Variants in NEK8 observed in about 807,000 individuals in gnomAD.
NEK8 encodes serine/threonine-protein kinase Nek8.
Under a neutral mutation model 77.2 loss-of-function variants are expected in NEK8, and 51 were observed. That is an observed-to-expected ratio of 0.66 (90% CI 0.53 to 0.83). The LOEUF (loss-of-function observed/expected upper bound fraction) is 0.83, where lower values mean the gene tolerates loss of function less well. Among genes scored for constraint, NEK8 ranks in the 40% least tolerant of loss-of-function variants. The pLI is 0.00. For missense variants in NEK8, 787 were observed against 909.2 expected, an observed-to-expected ratio of 0.87 and a Z score of 1.73; for synonymous variants, 365 against 363.2, an observed-to-expected ratio of 1.00 and a Z score of -0.06.
At position 28,737,268 on chromosome 17, in the gene NEK8, C is replaced by T. The variant is rs151111321; in HGVS notation, c.619-38C>T. On this transcript the variant is annotated intron_variant, in intron 4 of 14. Transcript: ENST00000268766. This position sits in a 1 kb window ranked among gnomAD's most constrained non-coding sequence, Gnocchi z 4.8. The stretch of plus-strand genomic sequence containing the variant: ...AGGGGCTGGAGCTGGGGGGTGCTGC[C>T]CTCACTTCCCCAAATTCTCAACCTG... 0.013 allele frequency: 20,009 copies of T among 1,573,092 alleles called. 167 individuals are homozygous for T. Among genetic ancestry groups the T allele is most frequent in the Non-Finnish European group, 0.015 (17,820 of 1,158,850 alleles).
At position 28,740,507 on chromosome 17, in the gene NEK8, C is replaced by T; in HGVS notation, c.1462C>T (p.Gln488Ter). The change falls in exon 11 of 15, where the codon CAG (glutamine) becomes TAG (stop). Residue 488 changes from glutamine (Q) to a stop codon, truncating the protein, a stop_gained. Transcript: ENST00000268766. LOFTEE classifies it high-confidence loss of function. This position sits in a 1 kb window ranked among gnomAD's most constrained non-coding sequence, Gnocchi z 4.7. ...CAGGGAGTCCCACAGCTGCCCCCAG[C>T]AGGTGCCCATGCCCCCAGGACAGGA... ...GTRESHSCPQ[Q>*]VPMPPGQEAQ... 6.2e-7 allele frequency: 1 copy of T among 1,614,102 alleles called. No individual in the cohort carries two copies. Among genetic ancestry groups the T allele is most frequent in the South Asian group, 1.1e-5 (1 of 91,084 alleles).
In NEK8 at chr17:28,740,540, C is replaced by T. The variant is rs565763400; in HGVS notation, c.1495C>T (p.Arg499Ter). The T allele has an allele frequency of 4.2e-5, 68 of 1,614,112 alleles. No individual in the cohort carries two copies. Among genetic ancestry groups the T allele is most frequent in the Non-Finnish European group, 5.3e-5 (62 of 1,179,976 alleles). Residue 499 changes from arginine to a stop codon, truncating the protein, a stop_gained, in exon 11 of 15, where the codon CGA becomes TGA. Transcript: ENST00000268766. LOFTEE classifies it high-confidence loss of function. The surrounding 1 kb of genome is among the most constrained non-coding windows in gnomAD (Gnocchi z 4.7). ...VPMPPGQEAQRVVCGIDSSMI... is the reference protein window; with the variant it reads ...VPMPPGQEAQ ...CATGCCCCCAGGACAGGAAGCTCAG[C>T]GAGTTGTATGTGGTATCGATTCCTC...
chr17:28,734,400 T>A (rs1035610338), intron 2 of NEK8: 7 of 606,532 alleles, frequency 1.2e-5, no homozygotes, highest in Non-Finnish European at 2.0e-5. Flanking sequence ...CTGGGCACGG[T>A]GGCTCATGCC....
intron 4 of NEK8, 75 bp downstream of exon 4, chr17:28,735,446 T>A: frequency 6.6e-7 from 1 of 1,521,974 alleles, no homozygotes; most frequent in Non-Finnish European, 8.9e-7. Flanking sequence ...TCAAGCCACC[T>A]CAGGTTTCTC....
In NEK8 at chr17:28,732,527, G is replaced by C. The variant is rs866344218; in HGVS notation, c.48-1456G>C. 2.6e-4 allele frequency among the ~76,000 whole-genome samples: 39 copies of C among 148,660 alleles called. 1 individual carries two copies. Among genetic ancestry groups the C allele is most frequent in the African/African-American group, 9.4e-4 (38 of 40,396 alleles). ...TGAAATGGAGGAAAGATTCTAGGGCGATTTTCTTTTTTCTTTTCTTTTTTT... is the reference window on the plus strand; with the variant it reads ...TGAAATGGAGGAAAGATTCTAGGGCCATTTTCTTTTTTCTTTTCTTTTTTT... On this transcript the variant is annotated intron_variant, in intron 1 of 14. Transcript: ENST00000268766.
chr17:28,738,275 T>C lies in NEK8; in HGVS notation c.1222+30T>C, dbSNP rs1438021537. The stretch of plus-strand genomic sequence containing the variant: ...GTTGTCGGGCCTACCTTGTGGGACC[T>C]GCTCTGAGGCCCCACAGAGCACCTT... On this transcript the variant is annotated intron_variant, in intron 8 of 14. Coordinates refer to ENST00000268766, the MANE Select transcript of NEK8 (RefSeq NM_178170.3). The C allele has an allele frequency of 6.8e-6, 11 of 1,613,772 alleles. No homozygotes were observed. In the South Asian group the frequency reaches 1.1e-4, roughly 16 times the overall value.
At position 28,731,908 on chromosome 17, in the gene NEK8, ATTTTTTTTTTTTTTTTTTTTTTTTTT is replaced by A. The variant is rs71135844; in HGVS notation, c.48-2060_48-2035del. ...GCGTGAGCCACCGCGCCTGGCCCCA[ATTTTTTTTTTTTTTTTTTTTTTTTTT>A]TTTTTTTTTTTTTTGAGACGGAGTC... On this transcript the variant is annotated intron_variant, in intron 1 of 14. Coordinates refer to ENST00000268766, the MANE Select transcript of NEK8 (RefSeq NM_178170.3). 1.2e-3 allele frequency among the ~76,000 whole-genome samples: 65 copies of A among 52,532 alleles called. 1 individual carries two copies. The highest frequency in any genetic ancestry group is 4.6e-3 in the African/African-American group (58 of 12,682). 34.5% of individuals were successfully genotyped at this position (52,532 alleles called of 152,430 possible). A position where few individuals can be genotyped will look rare whatever the true frequency, so the allele number is the denominator to read the frequency against.
At chr17:28,732,485 A>C (rs1408235335) in intron 1 of NEK8, among the ~76,000 whole-genome samples, 1 of 151,662 alleles carries the variant, frequency 6.6e-6, no homozygotes, top group African/African-American at 2.4e-5. Flanking sequence ...CAGAGGTAGA[A>C]ATAGGATTTG....
At chr17:28,734,519 CAAAA>C (rs765512767) in intron 2 of NEK8, 3 of 485,322 alleles carry the variant, frequency 6.2e-6, no homozygotes, top group East Asian at 3.7e-5. Flanking sequence ...ACTAAAAATA[CAAAA>C]AAAAAAAAAA....
Position 28,740,364 on chromosome 17 carries a change from A to G in NEK8, c.1418-99A>G. ...GAAAGGCATTTGGGACTGAGAGAAC[A>G]GAGAACTCATGCTGTTCCCTCCCCT... On this transcript the variant is annotated intron_variant, in intron 10 of 14. Coordinates refer to ENST00000268766, the MANE Select transcript of NEK8 (RefSeq NM_178170.3). This position sits in a 1 kb window ranked among gnomAD's most constrained non-coding sequence, Gnocchi z 4.7. 2.0e-6 allele frequency: 2 copies of G among 992,340 alleles called. No homozygotes were observed. Among genetic ancestry groups the G allele is most frequent in the South Asian group, 2.6e-5 (2 of 77,752 alleles). 61.5% of individuals were successfully genotyped at this position (992,340 alleles called of 1,614,324 possible).
intron 8 of NEK8, 46 bp from the exon 9 acceptor site, chr17:28,738,625 T>A (rs1379247665): frequency 1.9e-6 from 3 of 1,548,220 alleles, no homozygotes; most frequent in Non-Finnish European, 2.7e-6. Context: ...CTGGAAAGAC[T>A]GTTTAACTTC....
Position 28,737,713 on chromosome 17 carries a change from G to A in NEK8, c.866G>A (p.Arg289Lys). ...GTGGCCCCCAGCAACACAGGGAGCA[G>A]GACCACCAGTGTCCGCTGCAGAGGT... is the stretch of plus-strand genomic sequence containing the variant. Reference protein sequence around the residue: ...KSVAPSNTGSRTTSVRCRGIP... With the variant: ...KSVAPSNTGSKTTSVRCRGIP... The change falls in exon 6 of 15, where the codon AGG becomes AAG. Residue 289 changes from arginine (R) to lysine (K), a missense_variant. By Grantham distance (26) the Arg-to-Lys change is conservative. Coordinates refer to ENST00000268766, the MANE Select transcript of NEK8 (RefSeq NM_178170.3). The surrounding 1 kb of genome is among the most constrained non-coding windows in gnomAD (Gnocchi z 4.8). 6.2e-7 allele frequency: 1 copy of A among 1,614,160 alleles called. No homozygotes were observed. Among genetic ancestry groups the A allele is most frequent in the Non-Finnish European group, 8.5e-7 (1 of 1,180,030 alleles).
chr17:28,737,941 G>A lies in NEK8; in HGVS notation c.1012G>A (p.Ala338Thr). 6.2e-7 allele frequency: 1 copy of A among 1,612,930 alleles called. No individual in the cohort carries two copies. Among genetic ancestry groups the A allele is most frequent in the Non-Finnish European group, 8.5e-7 (1 of 1,179,346 alleles). ...PMLNTEVVQV[A>T]AGRTQKAGVT... ...GCTCAACACAGAGGTGGTCCAGGTG[G>A]CAGCTGGGCGCACGCAGAAAGCCGG... Residue 338 changes from alanine (A) to threonine (T), a missense_variant, in exon 7 of 15, where the codon GCA (alanine) becomes ACA (threonine). Physicochemically the swap from Ala to Thr is moderately conservative, Grantham distance 58 (BLOSUM62 0). Transcript: ENST00000268766. This position sits in a 1 kb window ranked among gnomAD's most constrained non-coding sequence, Gnocchi z 4.8.
chr17:28,734,310 A>G, intron 2 of NEK8, 122 bp downstream of exon 2: 1 of 882,402 alleles, frequency 1.1e-6, no homozygotes, highest in East Asian at 2.5e-5. Context: ...TTCTGGTCCC[A>G]ATTATCTGAC....
At chr17:28,729,795 GC>G (rs2034289487) in intron 1 of NEK8, among the ~76,000 whole-genome samples, 3 of 152,052 alleles carry the variant, frequency 2.0e-5, no homozygotes, top group Non-Finnish European at 1.5e-5. Context: ...ATCCGCCCGC[GC>G]CGGCCTCCCT....
Position 28,742,624 on chromosome 17 carries a change from C to G in NEK8, c.*637C>G, listed in dbSNP as rs114191927. 9.1e-3 allele frequency: 1,438 copies of G among 158,446 alleles called. 27 individuals are homozygous for G. Among genetic ancestry groups the G allele is most frequent in the African/African-American group, 0.033 (1,354 of 41,474 alleles). 9.8% of individuals were successfully genotyped at this position (158,446 alleles called of 1,614,324 possible). On this transcript the variant is annotated 3_prime_UTR_variant, in exon 15 of 15. Coordinates refer to ENST00000268766, the MANE Select transcript of NEK8 (RefSeq NM_178170.3). ...CACAGACCCTACCCTTTCCCCTAGCCCAGTTAGAAAATAAGTCTGGGCCGG... is the reference window on the plus strand; with the variant it reads ...CACAGACCCTACCCTTTCCCCTAGCGCAGTTAGAAAATAAGTCTGGGCCGG...
chr17:28,731,764 C>T (rs958739273), intron 1 of NEK8, among the ~76,000 whole-genome samples: 2 of 149,152 alleles, frequency 1.3e-5, no homozygotes, highest in Non-Finnish European at 3.0e-5. Context: ...CCACCACTCC[C>T]GGCTAATTTT....
chr17:28,733,827 C>T (rs149504209), intron 1 of NEK8, among the ~76,000 whole-genome samples, 156 bp from the exon 2 acceptor site: 1 of 152,260 alleles, frequency 6.6e-6, no homozygotes, highest in Non-Finnish European at 1.5e-5. Context: ...AATCAGTTCT[C>T]CCTGTTCCCA....
Position 28,734,051 on chromosome 17 carries a change from A to C in NEK8, c.116A>C (p.Gln39Pro). Residue 39 changes from glutamine to proline, a missense_variant, in exon 2 of 15, where the codon CAG becomes CCG. Physicochemically the swap from Gln to Pro is moderately conservative, Grantham distance 76. Around this residue, in one of 2 missense-constraint regions of NEK8, gnomAD observed 271 missense variants for 365.1 expected, o/e 0.74. Transcript: ENST00000268766. ...LVIIKQIPVE[Q>P]MTKEERQAAQ... ...ATCATCAAGCAGATTCCAGTGGAAC[A>C]GATGACCAAGGAAGAGCGGCAGGCA... 1 of 1,614,268 alleles carries C rather than the reference A, an allele frequency of 6.2e-7. No individual in the cohort carries two copies. Among genetic ancestry groups the C allele is most frequent in the Non-Finnish European group, 8.5e-7 (1 of 1,180,048 alleles).
Sources: allele counts gnomAD v4.1 joint callset (sites outside exome capture counted in the v4.1 genomes callset), GRCh38; gene constraint gnomAD v4.1.1; regional missense constraint gnomAD v4.1.1; non-coding constraint Gnocchi (gnomAD v3.1); transcripts MANE v1.5; gene names NCBI Gene and HGNC (gene_info 2026-07-23, HGNC 2026-07-21).